Variants in HESX1 observed in about 807,000 individuals in gnomAD.
HESX1 encodes the protein HESX homeobox 1.
A neutral mutation model predicts 22.5 loss-of-function variants in HESX1; 11 were observed. That is an observed-to-expected ratio of 0.49 (90% CI 0.31 to 0.81). The LOEUF (loss-of-function observed/expected upper bound fraction) is 0.81, where lower values mean the gene tolerates loss of function less well. HESX1 is among the 30% of genes least tolerant of loss of function. The probability of loss-of-function intolerance (pLI) is 0.05; values close to 1 mark genes in which losing one functional copy is unlikely to be tolerated. For missense variants in HESX1, 201 were observed against 212.6 expected (o/e 0.95, Z 0.34); for synonymous variants, 74 against 76.5 (o/e 0.97, Z 0.17).
At chr3:57,201,364 T>C (rs2060484895), upstream of HESX1, among the ~76,000 whole-genome samples, 1 of 152,126 alleles carries the variant, frequency 6.6e-6, no homozygotes, top group Admixed American at 6.6e-5. Context: ...TGCTGAGATG[T>C]AGATTGTGCA....
At chr3:57,202,396 C>T (rs572950411), upstream of HESX1, among the ~76,000 whole-genome samples, 42 of 150,328 alleles carry the variant, frequency 2.8e-4, no homozygotes, top group Admixed American at 9.3e-4. Flanking sequence ...AGTGCGGTGG[C>T]GTGATCTCGG....
chr3:57,201,369 T>C (rs910524302), upstream of HESX1, among the ~76,000 whole-genome samples: 24 of 152,046 alleles, frequency 1.6e-4, no homozygotes, highest in Admixed American at 1.6e-3. Context: ...AGATGTAGAT[T>C]GTGCAAAGGT....
chr3:57,199,437 G>C (rs1429840364), intron 1 of HESX1, among the ~76,000 whole-genome samples: 1 of 151,984 alleles, frequency 6.6e-6, no homozygotes, highest in East Asian at 1.9e-4. Context: ...TGACCAACAG[G>C]GTGAAACCCC....
At chr3:57,218,294 TG>T (rs2060594880) in intron 1 of HESX1, among the ~76,000 whole-genome samples, 1 of 152,124 alleles carries the variant, frequency 6.6e-6, no homozygotes, top group African/African-American at 2.4e-5. Flanking sequence ...TGTCTGTTGT[TG>T]CCTCTTTGTG....
upstream of HESX1, among the ~76,000 whole-genome samples, chr3:57,201,028 C>T (rs1381597970): frequency 6.6e-6 from 1 of 152,206 alleles, no homozygotes; most frequent in African/African-American, 2.4e-5. Flanking sequence ...CCTCTTCTTC[C>T]AGTACCTTCC....
chr3:57,222,510 C>G (rs2060621160), intron 1 of HESX1, among the ~76,000 whole-genome samples: 1 of 152,148 alleles, frequency 6.6e-6, no homozygotes, highest in Non-Finnish European at 1.5e-5. Context: ...CCTCCCACCT[C>G]AGCCTCCCAA....
chr3:57,201,537 T>C (rs1203262045), upstream of HESX1, among the ~76,000 whole-genome samples: 2 of 151,136 alleles, frequency 1.3e-5, no homozygotes, highest in African/African-American at 4.9e-5. Flanking sequence ...CTTGCCTTCA[T>C]AGAGCTCACA....
chr3:57,227,564 A>G (rs113472303), upstream of HESX1, among the ~76,000 whole-genome samples: 1 of 152,220 alleles, frequency 6.6e-6, no homozygotes, highest in East Asian at 1.9e-4. Context: ...AGGCCATCCC[A>G]GGGCAGACAC....
intron 1 of HESX1, among the ~76,000 whole-genome samples, chr3:57,221,194 C>T (rs1323483292): frequency 6.6e-6 from 1 of 151,800 alleles, no homozygotes. Flanking sequence ...TGCTCTGTCA[C>T]CCATGCTGGA....
chr3:57,200,043 T>A, upstream of HESX1: 1 of 803,404 alleles, frequency 1.2e-6, no homozygotes, highest in Non-Finnish European at 2.1e-6. Context: ...ATTTAGAACG[T>A]CACTAATTAA....
Position 57,198,373 on chromosome 3 carries a change from A to G in HESX1, c.459+18T>C, listed in dbSNP as rs376071780. On this transcript the variant is annotated intron_variant, in intron 3 of 3. Coordinates refer to ENST00000295934, the MANE Select transcript of HESX1 (RefSeq NM_003865.3). ...TAACATTTCAACATCATGAATAACA[A>G]CTAAATTTGAAAATTACCTGGATTC... The G allele has an allele frequency of 9.2e-5, 144 of 1,562,310 alleles. No individual in the cohort carries two copies. The African/African-American group carries it at 1.9e-3, about 20-fold the overall frequency.
At chr3:57,200,245 A>G (rs1244630154), upstream of HESX1, among the ~76,000 whole-genome samples, 1 of 152,250 alleles carries the variant, frequency 6.6e-6, no homozygotes, top group African/African-American at 2.4e-5. Context: ...AGTGATGCAC[A>G]AATGTGGCAC....
intron 1 of HESX1, among the ~76,000 whole-genome samples, chr3:57,218,033 C>A (rs1483946130): frequency 6.6e-6 from 1 of 152,136 alleles, no homozygotes; most frequent in Non-Finnish European, 1.5e-5. Flanking sequence ...CCTGGCTGCA[C>A]CTAATGGCTT....
chr3:57,216,931 C>A (rs1459039883), intron 1 of HESX1, among the ~76,000 whole-genome samples: 2 of 152,124 alleles, frequency 1.3e-5, no homozygotes, highest in Non-Finnish European at 2.9e-5. Context: ...TATGGACTCA[C>A]AGTTTCCTAC....
At chr3:57,201,929 A>AT (rs1217287669), upstream of HESX1, among the ~76,000 whole-genome samples, 6 of 133,488 alleles carry the variant, frequency 4.5e-5, no homozygotes, top group East Asian at 1.2e-3. Context: ...CTATCTATCT[A>AT]TTTTTTTGAG....
At chr3:57,225,633 G>T (rs566938822) in intron 1 of HESX1, among the ~76,000 whole-genome samples, 7 of 152,114 alleles carry the variant, frequency 4.6e-5, no homozygotes, top group Admixed American at 3.9e-4. Flanking sequence ...GAGCCCCACC[G>T]CGCCCAGCCT....
upstream of HESX1, among the ~76,000 whole-genome samples, chr3:57,226,849 C>G (rs973038437): frequency 7.2e-5 from 11 of 152,118 alleles, no homozygotes; most frequent in African/African-American, 2.7e-4. Flanking sequence ...TACAACTATA[C>G]AGAGACATAA....
chr3:57,198,701 G>T, intron 2 of HESX1, 52 bp downstream of exon 2: 1 of 1,516,330 alleles, frequency 6.6e-7, no homozygotes, highest in Non-Finnish European at 9.2e-7. Flanking sequence ...TGCTCAACTT[G>T]GTGTCAATTA....
At chr3:57,200,812 C>A (rs560194047), upstream of HESX1, among the ~76,000 whole-genome samples, 1 of 152,078 alleles carries the variant, frequency 6.6e-6, no homozygotes, top group Non-Finnish European at 1.5e-5. Context: ...GAAAAATTTC[C>A]GTCTGTTGAT....
Sources: gnomAD v4.1 joint callset for allele counts (sites outside exome capture counted in the v4.1 genomes callset) on GRCh38, gnomAD v4.1.1 for gene constraint, MANE v1.5 for transcripts, NCBI Gene and HGNC (gene_info 2026-07-23, HGNC 2026-07-21) for gene names.